Variants in IQGAP1 observed in about 807,000 individuals in gnomAD.
IQGAP1 encodes ras GTPase-activating-like protein IQGAP1.
Under a neutral mutation model 215.6 loss-of-function variants are expected in IQGAP1, and 66 were observed. That is an observed-to-expected ratio of 0.31 (90% CI 0.25 to 0.38). The LOEUF is 0.38. Ranked by LOEUF, IQGAP1 falls within the 10% of genes least tolerant of loss-of-function variation. IQGAP1 has a pLI of 1.00. For missense variants in IQGAP1, 1,712 were observed against 1,997.1 expected, an observed-to-expected ratio of 0.86 and a Z score of 2.72; for synonymous variants, 772 against 728.7, an observed-to-expected ratio of 1.06 and a Z score of -0.96.
At chr15:90,413,229 CAT>C (rs1236817873) in intron 2 of IQGAP1, among the ~76,000 whole-genome samples, 8 of 152,276 alleles carry the variant, frequency 5.3e-5, no homozygotes, top group African/African-American at 1.2e-4. Context: ...CCCCCACACT[CAT>C]GTGTACATAC....
rs369219418 is a variant in IQGAP1 at position 90,453,239 on chromosome 15, A to G, written c.1434A>G (p.Gln478=). The G allele has an allele frequency of 3.9e-5, 63 of 1,613,922 alleles. No homozygotes were observed. The highest frequency in any genetic ancestry group is 8.9e-5 in the East Asian group (4 of 44,894). The change falls in exon 13 of 38, where the codon CAA becomes CAG. Residue 478 remains glutamine (Q), a synonymous_variant. Coordinates refer to ENST00000268182, the MANE Select transcript of IQGAP1 (RefSeq NM_003870.4). ...ESGDVNTVWK[Q]LSSSVTGLTN... is the part of the protein sequence containing the mutation. ...GAGATGTGAATACAGTGTGGAAGCA[A>G]TTGAGCAGTTCAGTTACTGGTCTTA...
intron 15 of IQGAP1, among the ~76,000 whole-genome samples, chr15:90,457,045 A>G (rs187040139): frequency 6.6e-6 from 1 of 151,646 alleles, no homozygotes; most frequent in African/African-American, 2.4e-5. Flanking sequence ...CAATTGCATA[A>G]ATTTTCAAAA....
Position 90,487,575 on chromosome 15 carries a change from G to A in IQGAP1, c.4241G>A (p.Ser1414Asn), listed in dbSNP as rs376580456. Residue 1414 changes from serine (S) to asparagine (N), a missense_variant, in exon 33 of 38, where the codon AGT (serine) becomes AAT (asparagine). By Grantham distance (46) the Ser-to-Asn change is conservative (BLOSUM62 1). Coordinates refer to ENST00000268182, the MANE Select transcript of IQGAP1 (RefSeq NM_003870.4). ...LTEILETPATSEQEAEHQRAM... is the reference protein window; with the variant it reads ...LTEILETPATNEQEAEHQRAM... ...GAAATCCTAGAAACACCAGCCACCAGTGAACAGGTAAAATTTAGGGTCTAA... is the reference window on the plus strand; with the variant it reads ...GAAATCCTAGAAACACCAGCCACCAATGAACAGGTAAAATTTAGGGTCTAA... The A allele has an allele frequency of 4.2e-5, 68 of 1,612,046 alleles. No homozygotes were observed. The highest frequency in any genetic ancestry group is 5.7e-5 in the Non-Finnish European group (67 of 1,178,274).
intron 19 of IQGAP1, 129 bp downstream of exon 19, chr15:90,473,139 G>C (rs1227441046): frequency 1.2e-6 from 1 of 801,076 alleles, no homozygotes; most frequent in Non-Finnish European, 2.0e-6. Context: ...TCTTTCCTTT[G>C]ACAGGTACCT....
chr15:90,444,399 A>G (rs1465903245), intron 9 of IQGAP1, among the ~76,000 whole-genome samples: 1 of 151,852 alleles, frequency 6.6e-6, no homozygotes, highest in Non-Finnish European at 1.5e-5. Flanking sequence ...CTTCTGTTTC[A>G]AATTCTCTAG....
chr15:90,447,832 A>G (rs1352937152), intron 9 of IQGAP1, among the ~76,000 whole-genome samples: 1 of 152,160 alleles, frequency 6.6e-6, no homozygotes, highest in African/African-American at 2.4e-5. Context: ...ATGAAGGAAC[A>G]TCTGGGTTTT....
rs774143236 is a variant in IQGAP1, at chr15:90,474,493, G to A, written c.2584G>A (p.Glu862Lys). Residue 862 changes from glutamate to lysine, a missense_variant, in exon 23 of 38, where the codon GAG becomes AAG. Around this residue, in one of 2 missense-constraint regions of IQGAP1, gnomAD observed 1,021 missense variants for 1,074.2 expected, o/e 0.95. Coordinates refer to ENST00000268182, the MANE Select transcript of IQGAP1 (RefSeq NM_003870.4). Reference sequence around the variant, plus strand: ...TGCATACTTTCTGTCAGTCAATGCTGAGGATCCTCCTATGGTTGTGGTCCG... The same window carrying A: ...TGCATACTTTCTGTCAGTCAATGCTAAGGATCCTCCTATGGTTGTGGTCCG... ...RDDYKTLINA[E>K]DPPMVVVRKF... 5.0e-6 allele frequency: 8 copies of A among 1,613,604 alleles called. No individual in the cohort carries two copies. The highest frequency in any genetic ancestry group is 6.8e-6 in the Non-Finnish European group (8 of 1,179,518).
rs960470147 is a variant in IQGAP1 at position 90,433,886 on chromosome 15, GTT to G, written c.467+96_467+97del. On this transcript the variant is annotated intron_variant, in intron 5 of 37. Transcript: ENST00000268182. The stretch of plus-strand genomic sequence containing the variant: ...TTATCCTTGAGGTAAGAATGAAAAA[GTT>G]TTTTGATTAGTTTCAAAAGTTCCAA... 1.3e-5 allele frequency: 9 copies of G among 707,604 alleles called. No individual in the cohort carries two copies. In the African/African-American group the frequency reaches 1.5e-4, roughly 11 times the overall value. The allele number at this position is 707,604 out of a possible 1,614,324, so 43.8% of individuals were successfully genotyped here. A position where few individuals can be genotyped will look rare whatever the true frequency, so the allele number is the denominator to read the frequency against.
chr15:90,494,770 A>G lies in IQGAP1; in HGVS notation c.4686A>G (p.Lys1562=). 1 of 1,609,178 alleles carries G rather than the reference A, an allele frequency of 6.2e-7. No homozygotes were observed. The highest frequency in any genetic ancestry group is 8.5e-7 in the Non-Finnish European group (1 of 1,176,470). The part of the protein sequence containing the change: ...KGKKSKKISL[K]YTAARLHEKG... ...AGAAAAGCAAAAAGATTTCTCTGAAATATACAGCAGCAAGACTACATGAAA... is the reference window on the plus strand; with the variant it reads ...AGAAAAGCAAAAAGATTTCTCTGAAGTATACAGCAGCAAGACTACATGAAA... Residue 1562 remains lysine (K), a synonymous_variant, in exon 36 of 38, where the codon AAA becomes AAG. Coordinates refer to ENST00000268182, the MANE Select transcript of IQGAP1 (RefSeq NM_003870.4).
At chr15:90,394,090 G>A (rs1398193281) in intron 2 of IQGAP1, among the ~76,000 whole-genome samples, 1 of 138,344 alleles carries the variant, frequency 7.2e-6, no homozygotes, top group Non-Finnish European at 1.5e-5. Context: ...AGCTGAGACA[G>A]TGCCATTGCA....
chr15:90,495,578 C>G (rs1438328302), intron 36 of IQGAP1, among the ~76,000 whole-genome samples: 1 of 151,354 alleles, frequency 6.6e-6, no homozygotes, highest in Non-Finnish European at 1.5e-5. Flanking sequence ...ACGACTCACC[C>G]ACTTATGTAT....
chr15:90,460,389 A>G (rs1596277599), intron 15 of IQGAP1, among the ~76,000 whole-genome samples: 1 of 151,744 alleles, frequency 6.6e-6, no homozygotes, highest in East Asian at 1.9e-4. Flanking sequence ...GCTTTTCCTT[A>G]TAAGGTTTTT....
intron 2 of IQGAP1, among the ~76,000 whole-genome samples, chr15:90,404,091 T>C (rs546942537): frequency 1.3e-5 from 2 of 152,360 alleles, no homozygotes; most frequent in East Asian, 1.9e-4. Context: ...TCTCCTCAGC[T>C]TTTGCTGTTA....
chr15:90,491,767 C>T (rs917390642), intron 34 of IQGAP1: 2 of 503,438 alleles, frequency 4.0e-6, no homozygotes, highest in South Asian at 5.8e-5. Context: ...ACTGGAGCCT[C>T]CTATGACCTT....
At chr15:90,442,938 C>T (rs1965472386) in intron 8 of IQGAP1, among the ~76,000 whole-genome samples, 1 of 151,914 alleles carries the variant, frequency 6.6e-6, no homozygotes, top group Non-Finnish European at 1.5e-5. Flanking sequence ...TGCCATTGCA[C>T]TGCAGCCTGG....
At chr15:90,428,105 T>TGTGTCACCCAGGCTAGAGTGCA in intron 3 of IQGAP1, among the ~76,000 whole-genome samples, 1 of 152,108 alleles carries the variant, frequency 6.6e-6, no homozygotes, top group Admixed American at 6.6e-5. Context: ...AGGGACTTGC[T>TGTGTCACCCAGGCTAGAGTGCA]GTGTCACCCA....
chr15:90,497,660 A>G (rs1016570095), intron 37 of IQGAP1, among the ~76,000 whole-genome samples: 1 of 152,210 alleles, frequency 6.6e-6, no homozygotes, highest in Admixed American at 6.5e-5. Flanking sequence ...TTCTAAGCCC[A>G]CTCAGTAGCT....
At chr15:90,443,142 G>T (rs1217544423) in intron 8 of IQGAP1, among the ~76,000 whole-genome samples, 1 of 152,102 alleles carries the variant, frequency 6.6e-6, no homozygotes, top group Non-Finnish European at 1.5e-5. Context: ...AAAGTTTTTT[G>T]TAGAGATGGG....
chr15:90,477,687 G>A lies in IQGAP1; in HGVS notation c.3127G>A (p.Glu1043Lys). Residue 1043 changes from glutamate to lysine, a missense_variant, in exon 26 of 38, where the codon GAG becomes AAG. This residue lies in a region of IQGAP1 where 691 missense variants were observed against 923.0 expected (regional missense o/e 0.75). Coordinates refer to ENST00000268182, the MANE Select transcript of IQGAP1 (RefSeq NM_003870.4). ...EIKSKVDQIQ[E>K]IVTGNPTVIK... is the part of the protein sequence containing the mutation. ...TAGGTCGAAGGTAGATCAGATTCAA[G>A]AGATTGTGACAGGAAATCCTACGGT... 6.2e-7 allele frequency: 1 copy of A among 1,613,542 alleles called. No individual in the cohort carries two copies. Among genetic ancestry groups the A allele is most frequent in the Non-Finnish European group, 8.5e-7 (1 of 1,179,548 alleles).
Sources: allele counts gnomAD v4.1 joint callset (sites outside exome capture counted in the v4.1 genomes callset), GRCh38; gene constraint gnomAD v4.1.1; regional missense constraint gnomAD v4.1.1; transcripts MANE v1.5; gene names NCBI Gene and HGNC (gene_info 2026-07-23, HGNC 2026-07-21).